Variants in WDR41 observed in about 807,000 individuals in gnomAD.
The protein encoded by WDR41 is WD repeat domain 41, also known as WD repeat-containing protein 41.
A neutral mutation model predicts 69.3 loss-of-function variants in WDR41; 63 were observed. That is an observed-to-expected ratio of 0.91 (90% CI 0.74 to 1.12). WDR41 has a LOEUF of 1.12. Ranked by LOEUF, WDR41 falls within the 50% of genes most tolerant of loss-of-function variation. The pLI, the probability that WDR41 is intolerant of heterozygous loss-of-function variation, is 0.00. For synonymous variants in WDR41, 185 were observed against 192.1 expected (o/e 0.96, Z 0.31); for missense variants, 543 against 534.5 (o/e 1.02, Z -0.16).
intron 12 of WDR41, among the ~76,000 whole-genome samples, chr5:77,434,566 G>T (rs574591346): frequency 5.3e-5 from 8 of 152,024 alleles, no homozygotes; most frequent in Non-Finnish European, 8.8e-5. Flanking sequence ...TTAGCTGGGC[G>T]TGGTGGCGGG....
chr5:77,516,785 G>A (rs887557378), intron 1 of WDR41, among the ~76,000 whole-genome samples: 6 of 152,240 alleles, frequency 3.9e-5, no homozygotes, highest in South Asian at 2.1e-4. Flanking sequence ...TTGGGAGGCC[G>A]AGGCGGGTGG....
chr5:77,436,103 CTG>C (rs1798927092), intron 12 of WDR41, among the ~76,000 whole-genome samples, 156 bp downstream of exon 12: 1 of 142,916 alleles, frequency 7.0e-6, no homozygotes, highest in South Asian at 2.2e-4. Flanking sequence ...GAGACCCTAA[CTG>C]CACATACTAT....
chr5:77,588,680 A>G (rs1288153466), intron 1 of WDR41, among the ~76,000 whole-genome samples: 1 of 152,192 alleles, frequency 6.6e-6, no homozygotes, highest in East Asian at 1.9e-4. Context: ...GGATTAGCAA[A>G]TACCAAATGA....
At position 77,433,917 on chromosome 5, in the gene WDR41, G is replaced by A. The variant is rs78666564; in HGVS notation, c.1228-630C>T. 8.3e-3 allele frequency among the ~76,000 whole-genome samples: 1,260 copies of A among 152,352 alleles called. 14 individuals carry two copies. Among genetic ancestry groups the A allele is most frequent in the South Asian group, 0.024 (116 of 4,828 alleles). On this transcript the variant is annotated intron_variant, in intron 12 of 12. Transcript: ENST00000296679. ...TGCCCAGTGAAGGAATAGGCTGGAA[G>A]CTAAGAATAGGAAAACAGAGTGTTG... is the stretch of plus-strand genomic sequence containing the variant.
In WDR41 at chr5:77,463,135, T is replaced by C; in HGVS notation, c.308A>G (p.Asn103Ser). 6.2e-7 allele frequency: 1 copy of C among 1,612,614 alleles called. No individual in the cohort carries two copies. The highest frequency in any genetic ancestry group is 8.5e-7 in the Non-Finnish European group (1 of 1,179,354). Residue 103 changes from asparagine (N) to serine (S), a missense_variant, in exon 4 of 13, where the codon AAT (asparagine) becomes AGT (serine). Physicochemically the swap from Asn to Ser is conservative, Grantham distance 46. Coordinates refer to ENST00000296679, the MANE Select transcript of WDR41 (RefSeq NM_018268.4). ...FPSLESCEEK[N>S]QLILTASADR... is the part of the protein sequence containing the mutation. ...AGCAGAGGCTGTCAAGATGAGTTGATTTTTCTCTTCACAAGATTCCAAGGA... is the reference window on the plus strand; with the variant it reads ...AGCAGAGGCTGTCAAGATGAGTTGACTTTTCTCTTCACAAGATTCCAAGGA...
chr5:77,561,455 T>C (rs939703265), intron 1 of WDR41, among the ~76,000 whole-genome samples: 1 of 152,150 alleles, frequency 6.6e-6, no homozygotes, highest in African/African-American at 2.4e-5. Context: ...TTTTTTTCCT[T>C]GCTTTTTTTA....
At chr5:77,620,120 G>T (rs528082805) in intron 1 of WDR41, among the ~76,000 whole-genome samples, 2 of 152,158 alleles carry the variant, frequency 1.3e-5, no homozygotes, top group Admixed American at 6.5e-5. Flanking sequence ...CACCCCTTTT[G>T]CTCCAGCTCC....
chr5:77,518,089 G>T (rs532116205), intron 1 of WDR41, among the ~76,000 whole-genome samples: 1 of 152,206 alleles, frequency 6.6e-6, no homozygotes, highest in South Asian at 2.1e-4. Context: ...GAGGTGGCTC[G>T]GCTGGTGTGA....
intron 1 of WDR41, among the ~76,000 whole-genome samples, chr5:77,503,218 T>A (rs1193894315): frequency 7.9e-5 from 11 of 139,694 alleles, no homozygotes; most frequent in South Asian, 2.3e-4. Flanking sequence ...AAAGCAGGAG[T>A]TGCCATCCTA....
chr5:77,457,266 T>C lies in WDR41; in HGVS notation c.411+1796A>G, dbSNP rs2151313803. On this transcript the variant is annotated intron_variant, in intron 5 of 12. Transcript: ENST00000296679. ...GGATAAATCTCACTTAGTCATGGTG[T>C]ATAATTCTTTTTAGATGTTGCTGAA... 2.0e-5 allele frequency among the ~76,000 whole-genome samples: 3 copies of C among 152,336 alleles called. No homozygotes were observed. In the South Asian group the frequency reaches 6.2e-4, roughly 32 times the overall value.
chr5:77,500,882 T>G (rs1352937193), intron 1 of WDR41, among the ~76,000 whole-genome samples: 3 of 152,228 alleles, frequency 2.0e-5, no homozygotes, highest in Admixed American at 1.3e-4. Context: ...TAGTCCCTGC[T>G]CTCAAGAAAC....
intron 1 of WDR41, among the ~76,000 whole-genome samples, chr5:77,570,615 C>A (rs1743717472): frequency 6.7e-6 from 1 of 150,334 alleles, no homozygotes; most frequent in South Asian, 2.1e-4. Context: ...AAAATGTAAT[C>A]CTAAATTCTT....
At chr5:77,441,327 AC>A (rs1181009478) in intron 8 of WDR41, among the ~76,000 whole-genome samples, 22 of 152,212 alleles carry the variant, frequency 1.4e-4, no homozygotes, top group Non-Finnish European at 1.5e-5. Flanking sequence ...ATAGATTAAA[AC>A]ATGAAAGTTA....
At chr5:77,483,467 G>A (rs977937476) in intron 2 of WDR41, among the ~76,000 whole-genome samples, 2 of 145,074 alleles carry the variant, frequency 1.4e-5, no homozygotes, top group African/African-American at 2.6e-5. Context: ...ACCCCTACGA[G>A]TTACCTGAAT....
At chr5:77,595,311 G>A (rs1168922492) in intron 1 of WDR41, among the ~76,000 whole-genome samples, 2 of 152,124 alleles carry the variant, frequency 1.3e-5, no homozygotes, top group Admixed American at 6.5e-5. Flanking sequence ...GGGGAGAGTT[G>A]CCTCAATATT....
chr5:77,615,728 G>A (rs1744669618), intron 1 of WDR41, among the ~76,000 whole-genome samples: 2 of 141,212 alleles, frequency 1.4e-5, no homozygotes, highest in East Asian at 2.3e-4. Flanking sequence ...GATGGCTCAC[G>A]CCTCCTGTAA....
At chr5:77,610,640 G>C (rs1445344133) in intron 1 of WDR41, among the ~76,000 whole-genome samples, 5 of 152,132 alleles carry the variant, frequency 3.3e-5, no homozygotes, top group Non-Finnish European at 7.3e-5. Flanking sequence ...TGCCCTAAAA[G>C]AGCTCCTGAA....
intron 1 of WDR41, among the ~76,000 whole-genome samples, chr5:77,549,737 A>G (rs1207060711): frequency 6.6e-6 from 1 of 152,204 alleles, no homozygotes; most frequent in Admixed American, 6.5e-5. Context: ...TCAAGCTACC[A>G]ATGTCATTTT....
At chr5:77,448,950 G>A (rs1581704349) in intron 8 of WDR41, among the ~76,000 whole-genome samples, 1 of 152,092 alleles carries the variant, frequency 6.6e-6, no homozygotes, top group East Asian at 1.9e-4. Flanking sequence ...CTGGGGTGCT[G>A]TCTAGCCCTC....
Sources: allele counts gnomAD v4.1 joint callset (sites outside exome capture counted in the v4.1 genomes callset), GRCh38; gene constraint gnomAD v4.1.1; transcripts MANE v1.5; gene names NCBI Gene and HGNC (gene_info 2026-07-23, HGNC 2026-07-21).